The following CPEB3 variants were observed in gnomAD, a reference collection of about 807,000 sequenced individuals.
The protein encoded by CPEB3 is cytoplasmic polyadenylation element-binding protein 3.
A neutral mutation model predicts 67.2 loss-of-function variants in CPEB3; 20 were observed. The observed-to-expected ratio is 0.30, with a 90% confidence interval of 0.21 to 0.43. The LOEUF is 0.43. Among genes scored for constraint, CPEB3 ranks in the 20% least tolerant of loss-of-function variants. The probability of loss-of-function intolerance (pLI) is 1.00; values close to 1 mark genes in which losing one functional copy is unlikely to be tolerated. For synonymous variants in CPEB3, 376 were observed against 393.1 expected, an observed-to-expected ratio of 0.96 and a Z score of 0.51; for missense variants, 746 against 968.6, an observed-to-expected ratio of 0.77 and a Z score of 3.05.
At chr10:92,065,793 T>G (rs1378563481) in intron 9 of CPEB3, among the ~76,000 whole-genome samples, 1 of 152,130 alleles carries the variant, frequency 6.6e-6, no homozygotes, top group Non-Finnish European at 1.5e-5. Context: ...GTTTTGCCTG[T>G]CCTTTAAAAA....
chr10:92,224,007 C>T (rs1233213248), intron 2 of CPEB3, among the ~76,000 whole-genome samples: 1 of 152,116 alleles, frequency 6.6e-6, no homozygotes, highest in Non-Finnish European at 1.5e-5. Context: ...CCTTGTGATC[C>T]ATCCACCTTG....
At chr10:92,179,913 G>A (rs1419666571) in intron 4 of CPEB3, among the ~76,000 whole-genome samples, 1 of 152,144 alleles carries the variant, frequency 6.6e-6, no homozygotes, top group African/African-American at 2.4e-5. Flanking sequence ...AAATAATATT[G>A]TACACAACCC....
At chr10:92,226,685 G>T (rs1241815226) in intron 2 of CPEB3, among the ~76,000 whole-genome samples, 3 of 152,176 alleles carry the variant, frequency 2.0e-5, no homozygotes, top group Non-Finnish European at 4.4e-5. Context: ...GATGAATACT[G>T]TAAGACAATG....
intron 3 of CPEB3, among the ~76,000 whole-genome samples, chr10:92,190,872 A>G (rs951491548): frequency 3.9e-5 from 6 of 152,098 alleles, no homozygotes; most frequent in African/African-American, 1.4e-4. Context: ...AGGAAAAGCT[A>G]TGTGCAAGAA....
At chr10:92,110,710 T>C (rs1377951620) in intron 7 of CPEB3, among the ~76,000 whole-genome samples, 1 of 152,218 alleles carries the variant, frequency 6.6e-6, no homozygotes, top group Non-Finnish European at 1.5e-5. Flanking sequence ...TCAACAATTA[T>C]GACCTTTTTC....
chr10:92,115,060 G>A lies in CPEB3; in HGVS notation c.1454-3866C>T, dbSNP rs558775999. On this transcript the variant is annotated intron_variant, in intron 6 of 9. Transcript: ENST00000265997. ...TCTCCGCCCCGGCGGCCGCGGGCGCGGGGGACGTCAGCGCTGCCAGTGTGG... is the reference window on the plus strand; with the variant it reads ...TCTCCGCCCCGGCGGCCGCGGGCGCAGGGGACGTCAGCGCTGCCAGTGTGG... 5.3e-5 allele frequency among the ~76,000 whole-genome samples: 8 copies of A among 152,332 alleles called. No individual in the cohort carries two copies. The East Asian group carries it at 1.3e-3, about 26-fold the overall frequency.
intron 8 of CPEB3, among the ~76,000 whole-genome samples, chr10:92,084,410 G>C (rs1343276815): frequency 6.6e-6 from 1 of 151,638 alleles, no homozygotes; most frequent in Non-Finnish European, 1.5e-5. Flanking sequence ...TGCTTTTTTG[G>C]CCACCAAAAA....
intron 2 of CPEB3, among the ~76,000 whole-genome samples, chr10:92,223,147 G>A (rs1850782003): frequency 6.6e-6 from 1 of 152,044 alleles, no homozygotes; most frequent in Non-Finnish European, 1.5e-5. Context: ...TAATTCTCAG[G>A]GTACAATTTA....
intron 6 of CPEB3, among the ~76,000 whole-genome samples, chr10:92,135,156 A>G (rs1366031880): frequency 1.3e-5 from 2 of 152,168 alleles, no homozygotes; most frequent in Non-Finnish European, 2.9e-5. Flanking sequence ...AAGCCAAAAT[A>G]GACAAATCAG....
intron 2 of CPEB3, among the ~76,000 whole-genome samples, chr10:92,233,283 C>CT (rs1168077405): frequency 6.6e-6 from 1 of 152,088 alleles, no homozygotes; most frequent in African/African-American, 2.4e-5. Context: ...AATCTCAGCA[C>CT]TTTGGGAGGC....
chr10:92,173,628 C>T (rs1436888743), intron 4 of CPEB3, among the ~76,000 whole-genome samples: 9 of 152,134 alleles, frequency 5.9e-5, no homozygotes, highest in Non-Finnish European at 1.3e-4. Flanking sequence ...AAAGGTACCA[C>T]CCTCAACCAG....
intron 8 of CPEB3, 94 bp from the exon 9 acceptor site, chr10:92,081,595 A>C: frequency 1.8e-6 from 2 of 1,130,736 alleles, no homozygotes; most frequent in Middle Eastern, 2.1e-4. Context: ...CATGCAATGT[A>C]ATTAAGAAAA....
At chr10:92,190,886 A>G (rs1848948073) in intron 3 of CPEB3, among the ~76,000 whole-genome samples, 1 of 152,142 alleles carries the variant, frequency 6.6e-6, no homozygotes, top group Non-Finnish European at 1.5e-5. Flanking sequence ...GCAAGAACTC[A>G]TCCATGGCAG....
chr10:92,246,102 A>C (rs1852050028), intron 1 of CPEB3, among the ~76,000 whole-genome samples: 1 of 151,378 alleles, frequency 6.6e-6, no homozygotes, highest in Non-Finnish European at 1.5e-5. Flanking sequence ...TTGGGAGGCC[A>C]AGGCAGGCGG....
intron 1 of CPEB3, among the ~76,000 whole-genome samples, chr10:92,276,109 A>T (rs1016649520): frequency 1.3e-5 from 2 of 151,496 alleles, no homozygotes; most frequent in African/African-American, 2.4e-5. Flanking sequence ...CGACCTCCCA[A>T]AGTGCTGGGA....
intron 9 of CPEB3, 66 bp downstream of exon 9, chr10:92,081,254 C>T (rs912523158): frequency 6.4e-7 from 1 of 1,573,452 alleles, no homozygotes; most frequent in Non-Finnish European, 8.7e-7. Flanking sequence ...TGCCTTTCTT[C>T]CCAGGAAACT....
intron 9 of CPEB3, among the ~76,000 whole-genome samples, chr10:92,056,613 A>G (rs1223005211): frequency 6.6e-6 from 1 of 152,180 alleles, no homozygotes; most frequent in Non-Finnish European, 1.5e-5. Context: ...ACTGTGGGCT[A>G]CAGTGCTCTG....
At chr10:92,149,806 TG>T (rs2133875954) in intron 4 of CPEB3, among the ~76,000 whole-genome samples, 1 of 152,272 alleles carries the variant, frequency 6.6e-6, no homozygotes, top group African/African-American at 2.4e-5. Flanking sequence ...TCTGAATCTG[TG>T]GGGGTCAGGC....
At chr10:92,058,300 C>T (rs1011661871) in intron 9 of CPEB3, among the ~76,000 whole-genome samples, 3 of 152,154 alleles carry the variant, frequency 2.0e-5, no homozygotes, top group African/African-American at 7.2e-5. Context: ...AATACCTGCA[C>T]TTTGGGAGGC....
Sources: allele counts gnomAD v4.1 joint callset (sites outside exome capture counted in the v4.1 genomes callset), GRCh38; gene constraint gnomAD v4.1.1; transcripts MANE v1.5; gene names NCBI Gene and HGNC (gene_info 2026-07-23, HGNC 2026-07-21).